Variants in CNBD1 observed in about 807,000 individuals in gnomAD.
CNBD1 encodes cyclic nucleotide-binding domain-containing protein 1.
CNBD1 carries 71 observed loss-of-function variants against 54.4 expected under a neutral mutation model. The observed-to-expected ratio is 1.30, with a 90% CI of 1.08 to 1.59. The LOEUF is 1.59. Ranked by LOEUF, CNBD1 falls within the 40% of genes most tolerant of loss-of-function variation. The pLI, the probability that CNBD1 is intolerant of heterozygous loss-of-function variation, is 0.00. For missense variants in CNBD1, 659 were observed against 518.0 expected (o/e 1.27, Z -2.64); for synonymous variants, 182 against 170.7 (o/e 1.07, Z -0.51).
chr8:87,353,562 T>C, intron 9 of CNBD1, 74 bp from the exon 10 acceptor site: 1 of 980,546 alleles, frequency 1.0e-6, no homozygotes, highest in Non-Finnish European at 1.5e-6. Context: ...ATGAGTGAGT[T>C]TCTGATAAAA....
intron 4 of CNBD1, among the ~76,000 whole-genome samples, chr8:86,951,581 CAAAAA>C (rs71275901): frequency 9.9e-4 from 37 of 37,326 alleles, no homozygotes; most frequent in African/African-American, 3.0e-3. Context: ...CTCCGTCTCA[CAAAAA>C]AAAAAAAAAA....
intron 10 of CNBD1, among the ~76,000 whole-genome samples, chr8:87,358,041 C>T (rs964454833): frequency 6.6e-6 from 1 of 152,164 alleles, no homozygotes; most frequent in African/African-American, 2.4e-5. Flanking sequence ...CATGCCTGCT[C>T]CTTCTCTGCC....
In CNBD1 at chr8:86,934,959, T is replaced by G. The variant is rs192642036; in HGVS notation, c.273-4637T>G. On this transcript the variant is annotated intron_variant, in intron 3 of 10. Transcript: ENST00000518476. ...AAGGCTAGGCTGGCCTCATAAAACT[T>G]GCTGGAAACTACATATGACTTTTGT... 7.2e-3 allele frequency among the ~76,000 whole-genome samples: 1,093 copies of G among 152,310 alleles called. 17 individuals are homozygous for G. Among genetic ancestry groups the G allele is most frequent in the African/African-American group, 0.025 (1,052 of 41,568 alleles).
At chr8:87,034,673 A>G (rs1809869774) in intron 4 of CNBD1, among the ~76,000 whole-genome samples, 1 of 152,290 alleles carries the variant, frequency 6.6e-6, no homozygotes, top group South Asian at 2.1e-4. Flanking sequence ...TAATATCTAC[A>G]TATATTATTT....
At chr8:86,895,265 T>G (rs1176621135) in intron 2 of CNBD1, among the ~76,000 whole-genome samples, 2 of 151,148 alleles carry the variant, frequency 1.3e-5, no homozygotes. Context: ...TGTGTGTGTG[T>G]GTGTGTGTGT....
At chr8:87,379,338 C>T (rs113402798) in intron 10 of CNBD1, among the ~76,000 whole-genome samples, 1 of 151,844 alleles carries the variant, frequency 6.6e-6, no homozygotes, top group Non-Finnish European at 1.5e-5. Context: ...AGAAAGTCAA[C>T]AAGGATACCC....
chr8:86,909,810 A>T (rs1809074189), intron 3 of CNBD1, among the ~76,000 whole-genome samples: 2 of 152,244 alleles, frequency 1.3e-5, no homozygotes, highest in Non-Finnish European at 2.9e-5. Flanking sequence ...GAAGAGAAAC[A>T]TTCTGCCGTC....
intron 4 of CNBD1, among the ~76,000 whole-genome samples, chr8:86,970,161 A>T (rs1808188231): frequency 6.6e-6 from 1 of 152,150 alleles, no homozygotes; most frequent in Admixed American, 6.5e-5. Context: ...TTCCATTGAA[A>T]ATAATAAGAC....
chr8:86,919,058 T>C (rs545653937), intron 3 of CNBD1, among the ~76,000 whole-genome samples: 12 of 151,970 alleles, frequency 7.9e-5, no homozygotes, highest in Non-Finnish European at 1.8e-4. Context: ...CAATTGGAAC[T>C]TTAATTTTGC....
intron 4 of CNBD1, among the ~76,000 whole-genome samples, chr8:87,140,351 G>A (rs9693284): frequency 6.6e-6 from 1 of 152,206 alleles, no homozygotes; most frequent in Non-Finnish European, 1.5e-5. Context: ...GTTATAGATT[G>A]AGGTCTATCT....
rs111760555 is a variant in CNBD1, at chr8:87,291,743, C to G, written c.1042+5072C>G. ...AAGTGATCATTCAACCTCAGCCATT[C>G]GAGTAGCTGAGACTAAAGGCACATG... On this transcript the variant is annotated intron_variant, in intron 8 of 10. Transcript: ENST00000518476. 1.2e-3 allele frequency among the ~76,000 whole-genome samples: 176 copies of G among 152,166 alleles called. 1 individual carries two copies. Among genetic ancestry groups the G allele is most frequent in the African/African-American group, 3.2e-3 (133 of 41,544 alleles).
intron 2 of CNBD1, among the ~76,000 whole-genome samples, chr8:87,394,170 G>A (rs1444574368): frequency 6.6e-6 from 1 of 151,876 alleles, no homozygotes; most frequent in Non-Finnish European, 1.5e-5. Context: ...TTACACTATG[G>A]ACTATTTAAA....
chr8:87,305,926 G>A (rs535772609), intron 8 of CNBD1, among the ~76,000 whole-genome samples: 1 of 152,264 alleles, frequency 6.6e-6, no homozygotes, highest in African/African-American at 2.4e-5. Context: ...AAACTAAAGA[G>A]CATTTGCACA....
At chr8:86,886,210 G>C (rs1808678769) in intron 1 of CNBD1, among the ~76,000 whole-genome samples, 1 of 151,828 alleles carries the variant, frequency 6.6e-6, no homozygotes, top group South Asian at 2.1e-4. Flanking sequence ...CCTAATCTAT[G>C]TATATAAAAA....
intron 5 of CNBD1, among the ~76,000 whole-genome samples, chr8:87,214,035 G>A (rs1814156360): frequency 6.6e-6 from 1 of 152,186 alleles, no homozygotes; most frequent in Non-Finnish European, 1.5e-5. Flanking sequence ...TTAACTCTAT[G>A]TCTCACATCC....
At chr8:87,170,636 G>C (rs970272366) in intron 4 of CNBD1, among the ~76,000 whole-genome samples, 2 of 151,938 alleles carry the variant, frequency 1.3e-5, no homozygotes, top group Non-Finnish European at 2.9e-5. Flanking sequence ...TCTACACCTA[G>C]TTTTTTGGTT....
intron 1 of CNBD1, among the ~76,000 whole-genome samples, chr8:86,878,845 T>C (rs1808563954): frequency 6.6e-6 from 1 of 152,204 alleles, no homozygotes; most frequent in African/African-American, 2.4e-5. Context: ...TTATTCAGAA[T>C]TCATAGTTAG....
chr8:87,359,939 C>T (rs1041754713), intron 10 of CNBD1, among the ~76,000 whole-genome samples: 1 of 151,944 alleles, frequency 6.6e-6, no homozygotes, highest in Non-Finnish European at 1.5e-5. Context: ...GGTTATGTTG[C>T]CTTCACTTTC....
intron 4 of CNBD1, among the ~76,000 whole-genome samples, chr8:87,015,360 T>G (rs1586199253): frequency 6.6e-6 from 1 of 152,036 alleles, no homozygotes; most frequent in South Asian, 2.1e-4. Context: ...CTTTTTTTTG[T>G]ATTTTTAGTA....
Sources: allele counts gnomAD v4.1 joint callset (sites outside exome capture counted in the v4.1 genomes callset), GRCh38; gene constraint gnomAD v4.1.1; transcripts MANE v1.5; gene names NCBI Gene and HGNC (gene_info 2026-07-23, HGNC 2026-07-21).